The following MACROD2 variants were observed in gnomAD, a reference collection of about 807,000 sequenced individuals.
MACROD2 encodes the protein ADP-ribose glycohydrolase MACROD2.
In MACROD2, 36 loss-of-function variants were observed where a neutral mutation model predicts 70.4. The observed-to-expected ratio is 0.51, with a 90% confidence interval of 0.39 to 0.68. The LOEUF is 0.68. MACROD2 is among the 30% of genes least tolerant of loss of function. MACROD2 has a pLI of 0.00. For missense variants in MACROD2, 496 were observed against 538.4 expected, an observed-to-expected ratio of 0.92 and a Z score of 0.78; for synonymous variants, 172 against 178.8, an observed-to-expected ratio of 0.96 and a Z score of 0.30.
At chr20:13,998,613 C>G (rs1206736915) in intron 1 of MACROD2, among the ~76,000 whole-genome samples, 1 of 152,094 alleles carries the variant, frequency 6.6e-6, no homozygotes, top group African/African-American at 2.4e-5. Context: ...GTTTCCTGTT[C>G]TCTCAAGACC....
intron 7 of MACROD2, among the ~76,000 whole-genome samples, chr20:15,450,441 A>G (rs1194267526): frequency 6.6e-6 from 1 of 151,994 alleles, no homozygotes; most frequent in East Asian, 1.9e-4. Flanking sequence ...GTAATTTTTT[A>G]TGATTACCTT....
intron 5 of MACROD2, among the ~76,000 whole-genome samples, chr20:14,960,335 G>T (rs2074572695): frequency 1.3e-5 from 2 of 152,170 alleles, no homozygotes; most frequent in Non-Finnish European, 2.9e-5. Flanking sequence ...AGAAGGTGGA[G>T]AATGTTCCCC....
chr20:15,387,938 A>G (rs1307220777), intron 6 of MACROD2, among the ~76,000 whole-genome samples: 1 of 151,658 alleles, frequency 6.6e-6, no homozygotes, highest in East Asian at 1.9e-4. Context: ...TTTTGTAGAG[A>G]CAGGGTCTCC....
intron 5 of MACROD2, among the ~76,000 whole-genome samples, chr20:14,973,354 C>G (rs2074709522): frequency 1.3e-5 from 2 of 150,692 alleles, no homozygotes; most frequent in South Asian, 4.2e-4. Context: ...CCCTGAGTAG[C>G]TGGGACTGCA....
At chr20:14,607,514 C>T (rs557155574) in intron 4 of MACROD2, among the ~76,000 whole-genome samples, 1 of 152,276 alleles carries the variant, frequency 6.6e-6, no homozygotes, top group African/African-American at 2.4e-5. Context: ...TCTGGACTCA[C>T]ACTGCTCAAT....
chr20:14,003,840 A>G (rs1213644587), intron 2 of MACROD2: 2 of 296,256 alleles, frequency 6.8e-6, no homozygotes, highest in African/African-American at 2.2e-5. Flanking sequence ...TGTGTAATGA[A>G]AAGAATACAG....
chr20:15,134,571 T>C (rs1261908374), intron 5 of MACROD2, among the ~76,000 whole-genome samples: 1 of 152,046 alleles, frequency 6.6e-6, no homozygotes, highest in Non-Finnish European at 1.5e-5. Flanking sequence ...CAAAGCAGTG[T>C]GTAGAGGGAA....
chr20:14,424,053 C>T (rs1486539070), intron 3 of MACROD2, among the ~76,000 whole-genome samples: 1 of 152,056 alleles, frequency 6.6e-6, no homozygotes. Context: ...TGAGCCACCA[C>T]GCCCGGCCTT....
At chr20:14,632,842 T>C (rs1266382627) in intron 4 of MACROD2, among the ~76,000 whole-genome samples, 1 of 152,256 alleles carries the variant, frequency 6.6e-6, no homozygotes, top group Non-Finnish European at 1.5e-5. Flanking sequence ...AAAAACATTG[T>C]CTTGATTATC....
intron 8 of MACROD2, among the ~76,000 whole-genome samples, chr20:15,789,397 A>G (rs1045823401): frequency 1.3e-5 from 2 of 152,174 alleles, no homozygotes; most frequent in African/African-American, 4.8e-5. Flanking sequence ...GCTGGTCAAC[A>G]TTCATATCAG....
intron 3 of MACROD2, among the ~76,000 whole-genome samples, chr20:14,471,270 C>T (rs1276703398): frequency 6.6e-6 from 1 of 152,142 alleles, no homozygotes; most frequent in Non-Finnish European, 1.5e-5. Flanking sequence ...CTAACCAGTC[C>T]CAATGAGATG....
intron 5 of MACROD2, among the ~76,000 whole-genome samples, chr20:15,192,732 G>A (rs2076580228): frequency 1.3e-5 from 2 of 152,194 alleles, no homozygotes; most frequent in Non-Finnish European, 2.9e-5. Flanking sequence ...AAGTTTTACA[G>A]CAGCAACAAA....
chr20:15,513,470 G>GA (rs1359394023), intron 8 of MACROD2, among the ~76,000 whole-genome samples: 4 of 152,156 alleles, frequency 2.6e-5, no homozygotes, highest in African/African-American at 9.7e-5. Flanking sequence ...CTTTACCTGT[G>GA]AAAATCTTAA....
At position 14,594,980 on chromosome 20, in the gene MACROD2, CT is replaced by C. The variant is rs1426794788; in HGVS notation, c.302-89856del. On this transcript the variant is annotated intron_variant, in intron 4 of 17. Transcript: ENST00000684519. Reference sequence around the variant, plus strand: ...TTATTTCACCATACACTTTTCCTGTCTTTTTTTCCCCCTCTGGTATAAATAT... The same window carrying C: ...TTATTTCACCATACACTTTTCCTGTCTTTTTTCCCCCTCTGGTATAAATAT... Among the ~76,000 whole-genome samples, 10 of 152,238 alleles carry C rather than the reference CT, an allele frequency of 6.6e-5. 1 individual carries two copies. The highest frequency in any genetic ancestry group is 2.6e-4 in the Admixed American group (4 of 15,294).
intron 8 of MACROD2, among the ~76,000 whole-genome samples, chr20:15,831,094 T>C (rs559098970): frequency 6.6e-6 from 1 of 152,294 alleles, no homozygotes; most frequent in South Asian, 2.1e-4. Context: ...ACTAAGCCAG[T>C]CATGAATGCC....
At chr20:15,059,570 GAGAC>G (rs561024928) in intron 5 of MACROD2, among the ~76,000 whole-genome samples, 37 of 152,262 alleles carry the variant, frequency 2.4e-4, no homozygotes, top group Non-Finnish European at 4.9e-4. Flanking sequence ...GACCATTAAA[GAGAC>G]AGCTGTGCCA....
intron 8 of MACROD2, among the ~76,000 whole-genome samples, chr20:15,538,621 G>A (rs2047909647): frequency 6.6e-6 from 1 of 152,142 alleles, no homozygotes; most frequent in Non-Finnish European, 1.5e-5. Flanking sequence ...TAGATACAGA[G>A]AAGTAGAGAC....
intron 4 of MACROD2, among the ~76,000 whole-genome samples, chr20:14,681,566 A>G (rs1338789010): frequency 3.9e-5 from 6 of 152,312 alleles, no homozygotes; most frequent in South Asian, 4.1e-4. Flanking sequence ...AAGTCAGAAC[A>G]GGAACTCCCT....
At chr20:14,862,258 T>C (rs1424536538) in intron 5 of MACROD2, among the ~76,000 whole-genome samples, 1 of 46,876 alleles carries the variant, frequency 2.1e-5, no homozygotes, top group Non-Finnish European at 3.4e-5. Context: ...TTAATATATA[T>C]AAATATATTA....
Sources: allele counts gnomAD v4.1 joint callset (sites outside exome capture counted in the v4.1 genomes callset), GRCh38; gene constraint gnomAD v4.1.1; transcripts MANE v1.5; gene names NCBI Gene and HGNC (gene_info 2026-07-23, HGNC 2026-07-21).